The following PLEK variants were observed in gnomAD, a reference collection of about 807,000 sequenced individuals.
PLEK encodes platelet 47 kDa protein.
In PLEK, 25 loss-of-function variants were observed where a neutral mutation model predicts 43.9. That is an observed-to-expected ratio of 0.57 (90% CI 0.41 to 0.79). The LOEUF is 0.79. Among genes scored for constraint, PLEK ranks in the 30% least tolerant of loss-of-function variants. The pLI is 0.00. For synonymous variants in PLEK, 152 were observed against 144.4 expected (o/e 1.05, Z -0.38); for missense variants, 396 against 413.3 (o/e 0.96, Z 0.36).
At chr2:68,395,224 A>G (rs1673942310) in intron 8 of PLEK, among the ~76,000 whole-genome samples, 1 of 149,378 alleles carries the variant, frequency 6.7e-6, no homozygotes, top group Non-Finnish European at 1.5e-5. Flanking sequence ...AAATATAAAT[A>G]TATAAATATA....
Position 68,396,316 on chromosome 2 carries a change from A to G in PLEK, c.*500A>G, listed in dbSNP as rs1017361462. The stretch of plus-strand genomic sequence containing the variant: ...TGAAACTGTTGCTGATCTGTAGTAC[A>G]GTACCAGGAAGAAACCTCTTTTGTT... On this transcript the variant is annotated 3_prime_UTR_variant, in exon 9 of 9. Coordinates refer to ENST00000234313, the MANE Select transcript of PLEK (RefSeq NM_002664.3). The G allele has an allele frequency of 6.5e-6, 1 of 154,378 alleles. No homozygotes were observed. Among genetic ancestry groups the G allele is most frequent in the Non-Finnish European group, 1.4e-5 (1 of 69,338 alleles). 9.6% of individuals were successfully genotyped at this position (154,378 alleles called of 1,614,324 possible).
chr2:68,382,920 T>A (rs1673657883), intron 4 of PLEK, among the ~76,000 whole-genome samples: 1 of 152,212 alleles, frequency 6.6e-6, no homozygotes, highest in African/African-American at 2.4e-5. Flanking sequence ...TGTTGAGACT[T>A]GCTAGAAATA....
chr2:68,380,941 T>G, intron 3 of PLEK, 37 bp downstream of exon 3: 14 of 1,564,148 alleles, frequency 9.0e-6, no homozygotes, highest in Non-Finnish European at 1.2e-5. Flanking sequence ...ACCCATTCCT[T>G]CTGAAAGACA....
rs147217621 is a variant in PLEK, at chr2:68,393,001, C to T, written c.763-161C>T. On this transcript the variant is annotated intron_variant, in intron 6 of 8. Transcript: ENST00000234313. Reference sequence around the variant, plus strand: ...TTATTTATTGGCTGTAGCACTATCTCCCTGACAAAGACCTAGGCCGGGATA... The same window carrying T: ...TTATTTATTGGCTGTAGCACTATCTTCCTGACAAAGACCTAGGCCGGGATA... Among the ~76,000 whole-genome samples the T allele has an allele frequency of 1.7e-3, 252 of 152,310 alleles. 1 individual carries two copies. Among genetic ancestry groups the T allele is most frequent in the African/African-American group, 5.9e-3 (246 of 41,564 alleles).
intron 1 of PLEK, among the ~76,000 whole-genome samples, chr2:68,374,628 A>T (rs1330316817): frequency 6.6e-6 from 1 of 152,190 alleles, no homozygotes; most frequent in African/African-American, 2.4e-5. Context: ...AAAGACAGAG[A>T]CATTTCTAGT....
Position 68,395,793 on chromosome 2 carries a change from A to C in PLEK, c.1030A>C (p.Met344Leu). ...CACAGAGTGGATCAGAGCCATCCAG[A>C]TGGCCTCCCGAACTGGGAAGTAAAG... ...ERTEWIRAIQ[M>L]ASRTGK The change falls in exon 9 of 9, where the codon ATG becomes CTG. Residue 344 changes from methionine (M) to leucine (L), a missense_variant. By Grantham distance (15) the Met-to-Leu change is conservative. Coordinates refer to ENST00000234313, the MANE Select transcript of PLEK (RefSeq NM_002664.3). The C allele has an allele frequency of 6.2e-7, 1 of 1,613,768 alleles. No individual in the cohort carries two copies. Among genetic ancestry groups the C allele is most frequent in the Non-Finnish European group, 8.5e-7 (1 of 1,179,676 alleles).
At chr2:68,381,834 G>C (rs1673624169) in intron 3 of PLEK, among the ~76,000 whole-genome samples, 2 of 152,172 alleles carry the variant, frequency 1.3e-5, no homozygotes, top group African/African-American at 4.8e-5. Flanking sequence ...GAGGCACCTA[G>C]TGCAGCTGCA....
At chr2:68,375,950 T>C (rs568665386) in intron 1 of PLEK, among the ~76,000 whole-genome samples, 1 of 152,194 alleles carries the variant, frequency 6.6e-6, no homozygotes, top group Non-Finnish European at 1.5e-5. Flanking sequence ...GCTACATTAA[T>C]GTGGATAGCC....
chr2:68,388,766 C>A (rs539989141), intron 6 of PLEK, among the ~76,000 whole-genome samples: 2 of 151,900 alleles, frequency 1.3e-5, no homozygotes, highest in Admixed American at 6.6e-5. Context: ...AAAATATGGC[C>A]GGAGGAGATA....
At chr2:68,376,795 T>C (rs1673511661) in intron 1 of PLEK, among the ~76,000 whole-genome samples, 1 of 152,182 alleles carries the variant, frequency 6.6e-6, no homozygotes, top group South Asian at 2.1e-4. Flanking sequence ...CTTTTAGTTA[T>C]TTTAAAATAT....
At chr2:68,392,524 C>G (rs950964593) in intron 6 of PLEK, among the ~76,000 whole-genome samples, 6 of 152,220 alleles carry the variant, frequency 3.9e-5, no homozygotes, top group African/African-American at 1.4e-4. Context: ...CCCACCTTGC[C>G]TCTGCTACTC....
rs568728949 is a variant in PLEK, at chr2:68,378,056, T to C, written c.43-2272T>C. ...TATATAAAACATGTGTATACATATG[T>C]ATTTAAAGATATATACACTGTATAA... On this transcript the variant is annotated intron_variant, in intron 1 of 8. Coordinates refer to ENST00000234313, the MANE Select transcript of PLEK (RefSeq NM_002664.3). 1.1e-4 allele frequency among the ~76,000 whole-genome samples: 16 copies of C among 152,346 alleles called. 1 individual carries two copies. Among genetic ancestry groups the C allele is most frequent in the African/African-American group, 3.6e-4 (15 of 41,576 alleles).
rs965103698 is a variant in PLEK at position 68,386,764 on chromosome 2, A to T, written c.657+78A>T. On this transcript the variant is annotated intron_variant, in intron 5 of 8. Transcript: ENST00000234313. ...ATTCTAGATTGATTTCAGTTCATAG[A>T]CATCTATAGAGCGCTGTTAGGCAGC... 10 of 1,144,166 alleles carry T rather than the reference A, an allele frequency of 8.7e-6. No individual in the cohort carries two copies. In the Admixed American group the frequency reaches 1.1e-4, roughly 13 times the overall value. The allele number at this position is 1,144,166 out of a possible 1,614,324, so 70.9% of individuals were successfully genotyped here. A position where few individuals can be genotyped will look rare whatever the true frequency, so the allele number is the denominator to read the frequency against.
intron 7 of PLEK, among the ~76,000 whole-genome samples, chr2:68,393,845 T>A (rs746662146): frequency 6.6e-6 from 1 of 152,170 alleles, no homozygotes; most frequent in Non-Finnish European, 1.5e-5. Flanking sequence ...TGTCTCCACC[T>A]CTCCTGTCAC....
intron 4 of PLEK, 38 bp downstream of exon 4, chr2:68,382,671 A>T: frequency 8.5e-7 from 1 of 1,170,338 alleles, no homozygotes; most frequent in East Asian, 2.3e-5. Context: ...GGCGACTGGG[A>T]AGGCGATATG....
chr2:68,374,908 A>G (rs1054733572), intron 1 of PLEK, among the ~76,000 whole-genome samples: 4 of 152,140 alleles, frequency 2.6e-5, no homozygotes, highest in African/African-American at 9.7e-5. Context: ...TATATATTAT[A>G]TTATACAGTT....
chr2:68,374,532 T>G (rs1286795685), intron 1 of PLEK, among the ~76,000 whole-genome samples: 1 of 152,202 alleles, frequency 6.6e-6, no homozygotes, highest in Non-Finnish European at 1.5e-5. Flanking sequence ...ACTTTGTTTT[T>G]TAATTGAAGG....
chr2:68,387,780 T>TC (rs1673776417), intron 5 of PLEK, among the ~76,000 whole-genome samples: 2 of 152,178 alleles, frequency 1.3e-5, no homozygotes, highest in Admixed American at 1.3e-4. Context: ...CAGTCTGTTT[T>TC]TTTTTTTTCT....
Position 68,395,883 on chromosome 2 carries a change from C to T in PLEK, c.*67C>T. ...TGGACAAGCTCAGTCCAGGACCTGT[C>T]CACTTCTGTGACAAATCAACGGGAA... On this transcript the variant is annotated 3_prime_UTR_variant, in exon 9 of 9. Transcript: ENST00000234313. 1.4e-6 allele frequency: 2 copies of T among 1,414,924 alleles called. No homozygotes were observed. The highest frequency in any genetic ancestry group is 9.9e-7 in the Non-Finnish European group (1 of 1,007,476). The allele number at this position is 1,414,924 out of a possible 1,614,324, so 87.6% of individuals were successfully genotyped here.
Sources: gnomAD v4.1 joint callset for allele counts (sites outside exome capture counted in the v4.1 genomes callset) on GRCh38, gnomAD v4.1.1 for gene constraint, MANE v1.5 for transcripts, NCBI Gene and HGNC (gene_info 2026-07-23, HGNC 2026-07-21) for gene names.